PRKN: variants seen among roughly 807,000 people sequenced by gnomAD.
PRKN encodes E3 ubiquitin-protein ligase parkin.
Under a neutral mutation model 59.5 loss-of-function variants are expected in PRKN, and 56 were observed. That is an observed-to-expected ratio of 0.94 (90% confidence interval 0.76 to 1.18). PRKN has a LOEUF of 1.18. Among genes scored for constraint, PRKN ranks in the 50% most tolerant of loss-of-function variants. PRKN has a pLI of 0.00. For missense variants in PRKN, 657 were observed against 596.4 expected, an observed-to-expected ratio of 1.10 and a Z score of -1.06; for synonymous variants, 250 against 222.1, an observed-to-expected ratio of 1.13 and a Z score of -1.12.
chr6:161,561,873 T>G lies in PRKN; in HGVS notation c.933+7482A>C, dbSNP rs1436953044. On this transcript the variant is annotated intron_variant, in intron 8 of 11. Coordinates refer to ENST00000366898, the MANE Select transcript of PRKN (RefSeq NM_004562.3). The surrounding 1 kb of genome is among the most constrained non-coding windows in gnomAD (Gnocchi z 5.0). The stretch of plus-strand genomic sequence containing the variant: ...AATTATCCTCCCCTTCTGTTCACTC[T>G]TCATCCCATAAAACTCTGGCTCCTG... Among the ~76,000 whole-genome samples, 1 of 152,196 alleles carries G rather than the reference T, an allele frequency of 6.6e-6. No individual in the cohort carries two copies. The highest frequency in any genetic ancestry group is 2.4e-5 in the African/African-American group (1 of 41,442).
chr6:162,276,081 T>A lies in PRKN; in HGVS notation c.172-13316A>T, dbSNP rs1246129440. The stretch of plus-strand genomic sequence containing the variant: ...GAGATACTCATTGCTAGTGGATTCA[T>A]AAACGTCTGTCAGCTTTTTCAGTGA... On this transcript the variant is annotated intron_variant, in intron 2 of 11. Coordinates refer to ENST00000366898, the MANE Select transcript of PRKN (RefSeq NM_004562.3). Among the ~76,000 whole-genome samples the A allele has an allele frequency of 2.0e-5, 3 of 152,210 alleles. No individual in the cohort carries two copies. In the East Asian group the frequency reaches 5.8e-4, roughly 29 times the overall value.
intron 6 of PRKN, among the ~76,000 whole-genome samples, chr6:161,814,255 AAAG>A (rs1479912507): frequency 2.7e-4 from 41 of 152,354 alleles, no homozygotes; most frequent in Non-Finnish European, 8.8e-5. Context: ...TCATAGTGAC[AAAG>A]AATACACAAA....
At chr6:162,536,961 G>A (rs928708752) in intron 1 of PRKN, among the ~76,000 whole-genome samples, 4 of 152,054 alleles carry the variant, frequency 2.6e-5, no homozygotes, top group African/African-American at 9.7e-5. Context: ...GAAATAGATG[G>A]TTGTTGACCA....
At chr6:162,308,400 C>T (rs938878429) in intron 2 of PRKN, among the ~76,000 whole-genome samples, 3 of 152,030 alleles carry the variant, frequency 2.0e-5, no homozygotes, top group Admixed American at 2.0e-4. Flanking sequence ...AGGGAAAAAA[C>T]TGGGAAAACA....
chr6:162,015,635 C>T (rs902592616), intron 5 of PRKN, among the ~76,000 whole-genome samples: 10 of 152,172 alleles, frequency 6.6e-5, no homozygotes, highest in African/African-American at 2.4e-4. Flanking sequence ...GCTCACCCTT[C>T]TACTCTCTGA....
chr6:161,937,919 G>C (rs1405701543), intron 6 of PRKN, among the ~76,000 whole-genome samples: 1 of 152,038 alleles, frequency 6.6e-6, no homozygotes, highest in Non-Finnish European at 1.5e-5. Context: ...GATTTTTACT[G>C]ACACTCCAGA....
intron 2 of PRKN, among the ~76,000 whole-genome samples, chr6:162,285,551 G>A (rs1045833819): frequency 5.3e-5 from 8 of 150,672 alleles, no homozygotes; most frequent in African/African-American, 2.0e-4. Context: ...AACCAGTATA[G>A]TGCGTGCTTG....
chr6:162,694,944 C>T (rs981023920), intron 1 of PRKN: 39 of 152,138 alleles, frequency 2.6e-4, no homozygotes, highest in African/African-American at 7.7e-4. Flanking sequence ...TTATGTGAAT[C>T]AAGTTCTAGT....
chr6:162,359,079 A>AAAAAAAAAAAAAACATATATATATAT (rs57265104), intron 2 of PRKN, among the ~76,000 whole-genome samples: 1 of 83,274 alleles, frequency 1.2e-5, no homozygotes, highest in African/African-American at 7.3e-5. Context: ...AAAAAAAAAA[A>AAAAAAAAAAAAAACATATATATATAT]ATATATATAT....
chr6:162,478,067 C>T (rs756241041), intron 1 of PRKN, among the ~76,000 whole-genome samples: 1 of 152,128 alleles, frequency 6.6e-6, no homozygotes, highest in African/African-American at 2.4e-5. Context: ...TGGTTATCCA[C>T]GGTGAGATCT....
chr6:161,409,395 T>G lies in PRKN; in HGVS notation c.1084-22518A>C, dbSNP rs1035042444. 6.6e-5 allele frequency among the ~76,000 whole-genome samples: 10 copies of G among 152,174 alleles called. No homozygotes were observed. The highest frequency in any genetic ancestry group is 2.4e-4 in the African/African-American group (10 of 41,440). On this transcript the variant is annotated intron_variant, in intron 9 of 11. Coordinates refer to ENST00000366898, the MANE Select transcript of PRKN (RefSeq NM_004562.3). The surrounding 1 kb of genome is among the most constrained non-coding windows in gnomAD (Gnocchi z 4.6). ...GGCCATATGTCTCCCTGAGTAGGAT[T>G]TTCCAGAAGAAATTACCAAATGGCA...
chr6:162,272,223 G>C (rs898751212), intron 2 of PRKN, among the ~76,000 whole-genome samples: 6 of 152,096 alleles, frequency 3.9e-5, no homozygotes, highest in Admixed American at 6.5e-5. Context: ...ATGTAGGGTC[G>C]GGATTTCACT....
intron 7 of PRKN, among the ~76,000 whole-genome samples, chr6:161,741,525 G>A (rs1788183065): frequency 6.6e-6 from 1 of 152,090 alleles, no homozygotes; most frequent in Non-Finnish European, 1.5e-5. Flanking sequence ...ACATCAGGGG[G>A]CCTCTGTCTT....
At chr6:161,915,972 C>A (rs764080879) in intron 6 of PRKN, among the ~76,000 whole-genome samples, 1 of 151,860 alleles carries the variant, frequency 6.6e-6, no homozygotes, top group African/African-American at 2.4e-5. Flanking sequence ...ACTAAACAAC[C>A]ATTGATAAAT....
chr6:162,103,211 A>G (rs1204039427), intron 4 of PRKN, among the ~76,000 whole-genome samples: 1 of 152,092 alleles, frequency 6.6e-6, no homozygotes, highest in Admixed American at 6.5e-5. Flanking sequence ...AAGAAAAAGA[A>G]AAAAAGCTGT....
At chr6:162,546,506 C>T (rs577431645) in intron 1 of PRKN, among the ~76,000 whole-genome samples, 1 of 151,098 alleles carries the variant, frequency 6.6e-6, no homozygotes, top group Non-Finnish European at 1.5e-5. Flanking sequence ...CACCCTGGTG[C>T]GATCTCGGCT....
At chr6:161,678,497 C>A (rs774616711) in intron 7 of PRKN, among the ~76,000 whole-genome samples, 2 of 150,836 alleles carry the variant, frequency 1.3e-5, no homozygotes, top group Non-Finnish European at 2.9e-5. Context: ...GTTATAAATA[C>A]AGGTCATATA....
chr6:162,176,503 G>A (rs1783543920), intron 4 of PRKN, among the ~76,000 whole-genome samples: 3 of 152,142 alleles, frequency 2.0e-5, no homozygotes, highest in Admixed American at 1.3e-4. Context: ...AAATGGTAAT[G>A]TCACAGAAGG....
At chr6:162,389,644 T>A (rs1325393186) in intron 2 of PRKN, among the ~76,000 whole-genome samples, 1 of 152,236 alleles carries the variant, frequency 6.6e-6, no homozygotes. Flanking sequence ...GTTAATTTGC[T>A]ACTAATATCT....
Sources: gnomAD v4.1 joint callset for allele counts (sites outside exome capture counted in the v4.1 genomes callset) on GRCh38, gnomAD v4.1.1 for gene constraint, Gnocchi (gnomAD v3.1) non-coding constraint, MANE v1.5 for transcripts, NCBI Gene and HGNC (gene_info 2026-07-23, HGNC 2026-07-21) for gene names.